Variants in ZNF674 observed in about 807,000 individuals in gnomAD.
ZNF674 encodes zinc finger family member 674.
ZNF674 carries 2 observed loss-of-function variants against 7.0 expected under a neutral mutation model. The observed-to-expected ratio is 0.29, with a 90% CI of 0.12 to 0.90. The LOEUF (loss-of-function observed/expected upper bound fraction) is 0.90. Among genes scored for constraint, ZNF674 ranks in the 40% least tolerant of loss-of-function variants. The pLI is 0.57. For synonymous variants in ZNF674, 103 were observed against 145.2 expected (o/e 0.71, Z 2.09); for missense variants, 297 against 415.5 (o/e 0.71, Z 2.48).
At chrX:46,514,603 A>G (rs1234835673) in intron 5 of ZNF674, among the ~76,000 whole-genome samples, 2 of 112,407 alleles carry the variant, frequency 1.8e-5, no homozygotes, top group Non-Finnish European at 3.8e-5. Flanking sequence ...CAGCTAGGAC[A>G]TCTCCAAGGA....
chrX:46,542,256 G>A, intron 2 of ZNF674, 140 bp from the exon 3 acceptor site: 3 of 371,975 alleles, frequency 8.1e-6, no homozygotes, highest in Non-Finnish European at 9.4e-6. Context: ...TATTCCATGG[G>A]ACGCTACTAA....
At chrX:46,541,962 C>A (rs1448451348) in intron 3 of ZNF674, 111 bp downstream of exon 3, 14 of 682,851 alleles carry the variant, frequency 2.1e-5, no homozygotes, top group Non-Finnish European at 3.2e-5. Flanking sequence ...ACAAGTTGAA[C>A]AGAAAACAGC....
chrX:46,519,210 TTAGATAGATAGA>T (rs61702218), intron 5 of ZNF674, among the ~76,000 whole-genome samples: 49 of 74,350 alleles, frequency 6.6e-4, no homozygotes, highest in South Asian at 3.0e-3. Flanking sequence ...CTCAGATAGA[TTAGATAGATAGA>T]TAGATAGATA....
intron 5 of ZNF674, among the ~76,000 whole-genome samples, chrX:46,505,530 G>A (rs1031600341): frequency 9.0e-6 from 1 of 111,594 alleles, no homozygotes; most frequent in African/African-American, 3.3e-5. Context: ...CAGCGCTTTG[G>A]GGGGCCGAGG....
At position 46,528,401 on chromosome X, in the gene ZNF674, C is replaced by T. The variant is rs1157554800; in HGVS notation, c.187G>A (p.Gly63Ser). 1.7e-6 allele frequency: 2 copies of T among 1,209,739 alleles called. No individual in the cohort carries two copies. The highest frequency in any genetic ancestry group is 2.2e-6 in the Non-Finnish European group (2 of 895,247). ...KPDVIFRLGP[G>S]DESWMADGGT... The stretch of plus-strand genomic sequence containing the variant: ...CCATCTGCCATCCAGGACTCGTCAC[C>T]TGGTCCCAACCTGAAGATCACATCT... The change falls in exon 5 of 6, where the codon GGT becomes AGT. Residue 63 changes from glycine to serine, a missense_variant. Coordinates refer to ENST00000683375, the MANE Select transcript of ZNF674 (RefSeq NM_001190417.2).
At chrX:46,526,269 C>T (rs1380890720) in intron 5 of ZNF674, among the ~76,000 whole-genome samples, 1 of 111,686 alleles carries the variant, frequency 9.0e-6, no homozygotes, top group African/African-American at 3.3e-5. Context: ...TAGACAGACA[C>T]ATCTCTGTTC....
At chrX:46,531,165 G>A (rs1490657804) in intron 3 of ZNF674, among the ~76,000 whole-genome samples, 14 of 112,911 alleles carry the variant, frequency 1.2e-4, no homozygotes, top group Middle Eastern at 4.2e-3. Context: ...GGTGGTTCCC[G>A]GATGGTAGTG....
chrX:46,518,326 A>G (rs1235088043), intron 5 of ZNF674, among the ~76,000 whole-genome samples: 1 of 112,296 alleles, frequency 8.9e-6, no homozygotes, highest in Non-Finnish European at 1.9e-5. Context: ...AAACTGTAAC[A>G]TGAAAGAAAT....
At chrX:46,533,358 T>C (rs780053900) in intron 3 of ZNF674, among the ~76,000 whole-genome samples, 5 of 111,229 alleles carry the variant, frequency 4.5e-5, no homozygotes, top group East Asian at 2.8e-4. Flanking sequence ...CCATCTCCCA[T>C]GTGGCATGGC....
intron 5 of ZNF674, among the ~76,000 whole-genome samples, chrX:46,502,580 A>G (rs1201541319): frequency 2.7e-5 from 3 of 112,119 alleles, no homozygotes; most frequent in Admixed American, 9.5e-5. Context: ...ACAGTAGACT[A>G]GCCACAGATA....
In ZNF674 at chrX:46,513,162, C is replaced by CT. The variant is rs964115164; in HGVS notation, c.239-11828dup. On this transcript the variant is annotated intron_variant, in intron 5 of 5. Transcript: ENST00000683375. ...CCTGTAGTCTCAGCTACTCAGGAGG[C>CT]TGAGGCAGGAGAATCACTTGAACCC... Among the ~76,000 whole-genome samples, 16 of 110,966 alleles carry CT rather than the reference C, an allele frequency of 1.4e-4. No individual in the cohort carries two copies. The Admixed American group carries it at 1.5e-3, about 11-fold the overall frequency.
chrX:46,536,582 G>A (rs780165293), intron 3 of ZNF674, among the ~76,000 whole-genome samples: 1 of 90,566 alleles, frequency 1.1e-5, no homozygotes, highest in African/African-American at 4.1e-5. Context: ...GCAAGACTCC[G>A]TCTCAAAAAA....
At chrX:46,541,924 G>A in intron 3 of ZNF674, 149 bp downstream of exon 3, 1 of 484,546 alleles carries the variant, frequency 2.1e-6, no homozygotes, top group Non-Finnish European at 3.6e-6. Context: ...CTGGTGAGGG[G>A]AAGGATTAGA....
At chrX:46,538,813 G>A (rs113271150) in intron 3 of ZNF674, among the ~76,000 whole-genome samples, 1,169 of 110,333 alleles carry the variant, frequency 0.011, 18 homozygotes, top group African/African-American at 0.037. Flanking sequence ...GACTGCTTGA[G>A]CCTGGGAGGT....
chrX:46,533,845 TATATATATAC>T (rs1942157745), intron 3 of ZNF674, among the ~76,000 whole-genome samples: 3 of 88,731 alleles, frequency 3.4e-5, no homozygotes, highest in African/African-American at 8.6e-5. Flanking sequence ...TATATATATA[TATATATATAC>T]ACACACACAC....
chrX:46,508,350 T>A (rs1254711837), intron 5 of ZNF674, among the ~76,000 whole-genome samples: 5 of 111,949 alleles, frequency 4.5e-5, no homozygotes, highest in African/African-American at 1.6e-4. Context: ...TAGTATAACC[T>A]TGGATACCAG....
intron 3 of ZNF674, among the ~76,000 whole-genome samples, chrX:46,541,571 C>A (rs2146621117): frequency 9.0e-6 from 1 of 111,208 alleles, no homozygotes; most frequent in East Asian, 2.8e-4. Context: ...AAAATATATA[C>A]GTGTACGTTT....
At chrX:46,528,062 G>A (rs975001417) in intron 5 of ZNF674, 29 of 416,287 alleles carry the variant, frequency 7.0e-5, no homozygotes, top group Non-Finnish European at 1.1e-4. Context: ...AATGAGAAGG[G>A]GCTTGGCACT....
At chrX:46,512,083 C>T (rs1046002584) in intron 5 of ZNF674, among the ~76,000 whole-genome samples, 6 of 103,258 alleles carry the variant, frequency 5.8e-5, no homozygotes, top group East Asian at 3.1e-4. Context: ...TTTGGCCGGG[C>T]GCCACAGTGG....
Sources: gnomAD v4.1 joint callset for allele counts (sites outside exome capture counted in the v4.1 genomes callset) on GRCh38, gnomAD v4.1.1 for gene constraint, MANE v1.5 for transcripts, NCBI Gene and HGNC (gene_info 2026-07-23, HGNC 2026-07-21) for gene names.